ARNT2: variants seen among roughly 807,000 people sequenced by gnomAD.
The protein encoded by ARNT2 is ARNT protein 2.
In ARNT2, 36 loss-of-function variants were observed where a neutral mutation model predicts 91.7. That is an observed-to-expected ratio of 0.39 (90% CI 0.30 to 0.52). ARNT2 has a LOEUF of 0.52. Ranked by LOEUF, ARNT2 falls within the 20% of genes least tolerant of loss-of-function variation. The pLI is 0.72. For missense variants in ARNT2, 775 were observed against 939.3 expected (o/e 0.83, Z 2.29); for synonymous variants, 365 against 347.1 (o/e 1.05, Z -0.57).
At chr15:80,522,760 C>CACATATATATATAT (rs1555411701) in intron 8 of ARNT2, among the ~76,000 whole-genome samples, 1 of 144,480 alleles carries the variant, frequency 6.9e-6, no homozygotes, top group African/African-American at 2.6e-5. Flanking sequence ...TGTACATACA[C>CACATATATATATAT]ATATATATAT....
chr15:80,528,000 G>C (rs1198638707), intron 8 of ARNT2, among the ~76,000 whole-genome samples: 3 of 152,272 alleles, frequency 2.0e-5, no homozygotes, highest in Admixed American at 6.5e-5. Context: ...TCTGGAAGTT[G>C]GATTGAAGGG....
chr15:80,419,070 G>A (rs1053500492), intron 1 of ARNT2, among the ~76,000 whole-genome samples: 5 of 152,098 alleles, frequency 3.3e-5, no homozygotes, highest in African/African-American at 4.8e-5. Flanking sequence ...TTTCTAGAAC[G>A]CAGGATCTGT....
At chr15:80,580,352 A>T (rs193260439) in intron 15 of ARNT2, 59 bp from the exon 16 acceptor site, 384 of 1,602,892 alleles carry the variant, frequency 2.4e-4, no homozygotes, top group Non-Finnish European at 3.1e-4. Context: ...TTGGCTGGGC[A>T]CGTAGACTCA....
At chr15:80,416,013 C>A (rs1895779801) in intron 1 of ARNT2, among the ~76,000 whole-genome samples, 1 of 152,158 alleles carries the variant, frequency 6.6e-6, no homozygotes, top group Admixed American at 6.5e-5. Flanking sequence ...ACTGCTGTGT[C>A]CCCAACACCT....
chr15:80,538,626 T>C (rs1897858800), intron 8 of ARNT2, among the ~76,000 whole-genome samples: 1 of 152,156 alleles, frequency 6.6e-6, no homozygotes, highest in Non-Finnish European at 1.5e-5. Flanking sequence ...AAAATGTTTT[T>C]ATTATTAAAT....
intron 5 of ARNT2, among the ~76,000 whole-genome samples, chr15:80,478,334 G>A (rs1896837141): frequency 6.6e-6 from 1 of 152,240 alleles, no homozygotes; most frequent in Admixed American, 6.5e-5. Context: ...GGTGTAGCCA[G>A]CTGGTTCATC....
At position 80,591,473 on chromosome 15, in the gene ARNT2, A is replaced by G; in HGVS notation, c.1919-95A>G. ...CAGCTCTGGATGGAACGTGCCTTTC[A>G]GAAGCGGGAGGCCCTCCAGCCGCAG... On this transcript the variant is annotated intron_variant, in intron 17 of 18. Transcript: ENST00000303329. This position sits in a 1 kb window ranked among gnomAD's most constrained non-coding sequence, Gnocchi z 5.1. The G allele has an allele frequency of 6.6e-7, 1 of 1,520,686 alleles. No homozygotes were observed. The highest frequency in any genetic ancestry group is 2.3e-5 in the East Asian group (1 of 44,238). 94.2% of individuals were successfully genotyped at this position (1,520,686 alleles called of 1,614,324 possible).
At chr15:80,443,982 T>A (rs1419825968) in intron 1 of ARNT2, among the ~76,000 whole-genome samples, 1 of 152,186 alleles carries the variant, frequency 6.6e-6, no homozygotes, top group Non-Finnish European at 1.5e-5. Flanking sequence ...TGAGATTGAT[T>A]TGAATTTTGA....
At chr15:80,517,585 C>G (rs1897459387) in intron 8 of ARNT2, among the ~76,000 whole-genome samples, 1 of 150,972 alleles carries the variant, frequency 6.6e-6, no homozygotes, top group African/African-American at 2.4e-5. Context: ...TCCAATTACA[C>G]AGATATATCT....
chr15:80,436,576 GATTAACC>G (rs1896090138), intron 1 of ARNT2, among the ~76,000 whole-genome samples: 1 of 152,198 alleles, frequency 6.6e-6, no homozygotes. Flanking sequence ...TCCTCCAGAT[GATTAACC>G]ATCTGGTATC....
intron 1 of ARNT2, among the ~76,000 whole-genome samples, chr15:80,415,706 A>C (rs1395588113): frequency 6.6e-6 from 1 of 152,196 alleles, no homozygotes; most frequent in East Asian, 1.9e-4. Context: ...GAGGAGAAAC[A>C]ATTGAACCAA....
At chr15:80,483,320 C>T (rs562074867) in intron 5 of ARNT2, among the ~76,000 whole-genome samples, 68 of 152,276 alleles carry the variant, frequency 4.5e-4, no homozygotes, top group Non-Finnish European at 7.9e-4. Flanking sequence ...CTGGGGGCTG[C>T]TTGCAGCAAC....
In ARNT2 at chr15:80,496,563, T is replaced by C. The variant is rs531934430; in HGVS notation, c.623-11593T>C. Among the ~76,000 whole-genome samples the C allele has an allele frequency of 2.6e-5, 4 of 152,326 alleles. No homozygotes were observed. The South Asian group carries it at 8.3e-4, about 32-fold the overall frequency. On this transcript the variant is annotated intron_variant, in intron 5 of 18. Transcript: ENST00000303329. ...TGGGATACATGTAGCCTGCCATTCA[T>C]TGCCTGTCACCAGCCTTTCCCTGCC...
intron 1 of ARNT2, among the ~76,000 whole-genome samples, chr15:80,432,821 A>G (rs1427326614): frequency 6.6e-6 from 1 of 152,182 alleles, no homozygotes; most frequent in African/African-American, 2.4e-5. Flanking sequence ...CTCCTCCAGA[A>G]GCTCATGCTC....
intron 17 of ARNT2, among the ~76,000 whole-genome samples, chr15:80,586,428 T>C (rs8043374): frequency 0.059 from 8,975 of 152,160 alleles, 605 homozygotes; most frequent in African/African-American, 0.15. Context: ...CAGGTCACAA[T>C]AGATAAACAA....
chr15:80,568,389 A>G (rs554480916), intron 12 of ARNT2, among the ~76,000 whole-genome samples: 12 of 152,338 alleles, frequency 7.9e-5, no homozygotes, highest in Non-Finnish European at 1.3e-4. Context: ...TTCCTGTCAC[A>G]GCATTGTTCC....
At chr15:80,437,464 A>G (rs1023554503) in intron 1 of ARNT2, among the ~76,000 whole-genome samples, 2 of 152,200 alleles carry the variant, frequency 1.3e-5, no homozygotes, top group Non-Finnish European at 2.9e-5. Context: ...TACTGTACTA[A>G]TCAGAAAACC....
At chr15:80,554,122 T>C (rs1898133620) in intron 10 of ARNT2, among the ~76,000 whole-genome samples, 1 of 152,196 alleles carries the variant, frequency 6.6e-6, no homozygotes, top group African/African-American at 2.4e-5. Flanking sequence ...TTTAAGACAC[T>C]TCCTGGCCAG....
intron 4 of ARNT2, among the ~76,000 whole-genome samples, chr15:80,473,907 A>G (rs1406979128): frequency 6.6e-6 from 1 of 152,182 alleles, no homozygotes; most frequent in African/African-American, 2.4e-5. Context: ...GATTACATTC[A>G]AACAAAAGAT....
Sources: allele counts gnomAD v4.1 joint callset (sites outside exome capture counted in the v4.1 genomes callset), GRCh38; gene constraint gnomAD v4.1.1; non-coding constraint Gnocchi (gnomAD v3.1); transcripts MANE v1.5; gene names NCBI Gene and HGNC (gene_info 2026-07-23, HGNC 2026-07-21).